Variants in KCNH6 observed in about 807,000 individuals in gnomAD.
KCNH6 encodes the protein potassium voltage-gated channel subfamily H member 6, also known as voltage-gated inwardly rectifying potassium channel KCNH6.
A neutral mutation model predicts 83.4 loss-of-function variants in KCNH6; 81 were observed. The observed-to-expected ratio is 0.97, with a 90% CI of 0.81 to 1.17. KCNH6 has a LOEUF of 1.17. Among genes scored for constraint, KCNH6 ranks in the 50% most tolerant of loss-of-function variants. The pLI is 0.00. For missense variants in KCNH6, 1,203 were observed against 1,290.5 expected (o/e 0.93, Z 1.04); for synonymous variants, 503 against 545.6 (o/e 0.92, Z 1.09).
rs778254078 is a variant in KCNH6, at chr17:63,530,191, G to A, written c.408G>A (p.Leu136=). The A allele has an allele frequency of 6.2e-7, 1 of 1,614,150 alleles. No homozygotes were observed. Among genetic ancestry groups the A allele is most frequent in the Non-Finnish European group, 8.5e-7 (1 of 1,180,024 alleles). Reference sequence around the variant, plus strand: ...ACTTCGAGGACCTGGCCCAGCTCCTGGCCAAGTGCAGCAGCCGCAGCTTGT... The same window carrying A: ...ACTTCGAGGACCTGGCCCAGCTCCTAGCCAAGTGCAGCAGCCGCAGCTTGT... ...ILNFEDLAQL[L]AKCSSRSLSQ... The change falls in exon 3 of 13, where the codon CTG becomes CTA. Residue 136 remains leucine (L), a synonymous_variant. Coordinates refer to ENST00000314672, the MANE Select transcript of KCNH6 (RefSeq NM_001278919.2).
chr17:63,548,345 TG>T (rs1479623014), downstream of KCNH6, among the ~76,000 whole-genome samples: 5 of 152,000 alleles, frequency 3.3e-5, no homozygotes, highest in Non-Finnish European at 5.9e-5. Flanking sequence ...GAGGACCAGT[TG>T]AACCCAGCCT....
At position 63,545,619 on chromosome 17, in the gene KCNH6, A is replaced by G. The variant is rs2147742563; in HGVS notation, c.2594A>G (p.Tyr865Cys). 3.7e-6 allele frequency: 6 copies of G among 1,613,208 alleles called. No homozygotes were observed. Among genetic ancestry groups the G allele is most frequent in the Middle Eastern group, 1.7e-4 (1 of 6,054 alleles). The change falls in exon 13 of 13, where the codon TAT becomes TGT. Residue 865 changes from tyrosine (Y) to cysteine (C), a missense_variant. Physicochemically the swap from Tyr to Cys is radical, Grantham distance 194 (BLOSUM62 -2). Transcript: ENST00000314672. ...GFLPPAQTPS[Y>C]GDLDDCSPKH... ...TCTTGCTCCTCCCAGACCCCAAGCT[A>G]TGGAGACTTGGATGACTGTAGTCCA...
chr17:63,548,979 A>T (rs2033199665), downstream of KCNH6: 1 of 150,994 alleles, frequency 6.6e-6, no homozygotes, highest in Non-Finnish European at 1.5e-5. Context: ...AATAAAATTA[A>T]AAAAAAAAGA....
At chr17:63,542,585 G>A in intron 9 of KCNH6, 151 bp downstream of exon 9, 1 of 677,658 alleles carries the variant, frequency 1.5e-6, no homozygotes, top group African/African-American at 1.8e-5. Flanking sequence ...CTGGCGTCAT[G>A]CTAAGTATGA....
Position 63,535,972 on chromosome 17 carries a change from T to A in KCNH6, c.1405T>A (p.Phe469Ile), listed in dbSNP as rs2032470268. 2 of 1,613,746 alleles carry A rather than the reference T, an allele frequency of 1.2e-6. No homozygotes were observed. The highest frequency in any genetic ancestry group is 2.7e-5 in the African/African-American group (2 of 74,944). ...VQDKYVTALY[F>I]TFSSLTSVGF... ...GGACAAGTATGTCACAGCCCTCTACTTCACCTTCAGCAGCCTCACCAGCGT... is the reference window on the plus strand; with the variant it reads ...GGACAAGTATGTCACAGCCCTCTACATCACCTTCAGCAGCCTCACCAGCGT... Residue 469 changes from phenylalanine (F) to isoleucine (I), a missense_variant, in exon 6 of 13, where the codon TTC (phenylalanine) becomes ATC (isoleucine). Coordinates refer to ENST00000314672, the MANE Select transcript of KCNH6 (RefSeq NM_001278919.2). The surrounding 1 kb of genome is among the most constrained non-coding windows in gnomAD (Gnocchi z 4.9).
Position 63,536,333 on chromosome 17 carries a change from G to A in KCNH6, c.1501+265G>A, listed in dbSNP as rs1372197355. The A allele has an allele frequency of 8.1e-6, 4 of 496,818 alleles. No homozygotes were observed. The East Asian group carries it at 1.0e-4, about 13-fold the overall frequency. 30.8% of individuals were successfully genotyped at this position (496,818 alleles called of 1,614,324 possible). A position where few individuals can be genotyped will look rare whatever the true frequency, so the allele number is the denominator to read the frequency against. On this transcript the variant is annotated intron_variant, in intron 6 of 12. Transcript: ENST00000314672. The stretch of plus-strand genomic sequence containing the variant: ...GCCCAGAGCAAAATGAAATTGTAGG[G>A]ACCCTTGTTTAAAAATTATTAAGAA...
At position 63,524,225 on chromosome 17, in the gene KCNH6, T is replaced by A; in HGVS notation, c.163T>A (p.Ser55Thr). The change falls in exon 2 of 13, where the codon TCC (serine) becomes ACC (threonine). Residue 55 changes from serine to threonine, a missense_variant. Coordinates refer to ENST00000314672, the MANE Select transcript of KCNH6 (RefSeq NM_001278919.2). Reference protein sequence around the residue: ...NDGFCELFGYSRVEVMQQPCT... With the variant: ...NDGFCELFGYTRVEVMQQPCT... ...CGGCTTCTGCGAACTCTTCGGCTAC[T>A]CCCGAGTGGAGGTGATGCAGCAACC... 1.2e-6 allele frequency: 2 copies of A among 1,614,172 alleles called. No homozygotes were observed. Among genetic ancestry groups the A allele is most frequent in the African/African-American group, 2.7e-5 (2 of 75,054 alleles).
rs1309327483 is a variant in KCNH6, at chr17:63,546,429, T to C, written c.*527T>C. On this transcript the variant is annotated 3_prime_UTR_variant, in exon 13 of 13. Transcript: ENST00000314672. ...GTGCAGGGTGGGAGAGTCTCAGGTGTGGAGGCAGCTTACAGGATTGAGGGG... is the reference window on the plus strand; with the variant it reads ...GTGCAGGGTGGGAGAGTCTCAGGTGCGGAGGCAGCTTACAGGATTGAGGGG... The C allele has an allele frequency of 6.5e-6, 1 of 154,824 alleles. No individual in the cohort carries two copies. The highest frequency in any genetic ancestry group is 1.4e-5 in the Non-Finnish European group (1 of 69,826). 9.6% of individuals were successfully genotyped at this position (154,824 alleles called of 1,614,324 possible). A position where few individuals can be genotyped will look rare whatever the true frequency, so the allele number is the denominator to read the frequency against.
rs534340884 is a variant in KCNH6 at position 63,545,110 on chromosome 17, G to A, written c.2429G>A (p.Arg810His). Reference sequence around the variant, plus strand: ...TCCCGCGTGTCCTCAGACCTCAGCCGCATCTTGCAGCTCCTCCAGAAGCCC... The same window carrying A: ...TCCCGCGTGTCCTCAGACCTCAGCCACATCTTGCAGCTCCTCCAGAAGCCC... ...LESRVSSDLS[R>H]ILQLLQKPMP... is the part of the protein sequence containing the mutation. The change falls in exon 12 of 13, where the codon CGC (arginine) becomes CAC (histidine). Residue 810 changes from arginine (R) to histidine (H), a missense_variant. Coordinates refer to ENST00000314672, the MANE Select transcript of KCNH6 (RefSeq NM_001278919.2). The A allele has an allele frequency of 8.7e-6, 14 of 1,613,462 alleles. No individual in the cohort carries two copies. Among genetic ancestry groups the A allele is most frequent in the Admixed American group, 3.3e-5 (2 of 60,002 alleles).
At chr17:63,536,958 A>C (rs913406508) in intron 6 of KCNH6, among the ~76,000 whole-genome samples, 1 of 150,924 alleles carries the variant, frequency 6.6e-6, no homozygotes, top group Non-Finnish European at 1.5e-5. Context: ...GTCTCAAAAA[A>C]AAAAAAAAAA....
Position 63,538,812 on chromosome 17 carries a change from G to C in KCNH6, c.1954+150G>C. ...ACAGCATGTGCCCGGGAGAGCTTTA[G>C]ACCCAGCTGGCTGAATCCTTAAAAC... On this transcript the variant is annotated intron_variant, in intron 8 of 12. Coordinates refer to ENST00000314672, the MANE Select transcript of KCNH6 (RefSeq NM_001278919.2). The surrounding 1 kb of genome is among the most constrained non-coding windows in gnomAD (Gnocchi z 4.0). 1 of 807,142 alleles carries C rather than the reference G, an allele frequency of 1.2e-6. No homozygotes were observed. The highest frequency in any genetic ancestry group is 1.9e-6 in the Non-Finnish European group (1 of 538,072). The allele number at this position is 807,142 out of a possible 1,614,324, so 50.0% of individuals were successfully genotyped here. A position where few individuals can be genotyped will look rare whatever the true frequency, so the allele number is the denominator to read the frequency against.
chr17:63,528,936 G>A (rs904385278), intron 2 of KCNH6, among the ~76,000 whole-genome samples: 1 of 152,190 alleles, frequency 6.6e-6, no homozygotes, highest in African/African-American at 2.4e-5. Context: ...CTGGGTTCAA[G>A]CGATTCTCCT....
Position 63,534,114 on chromosome 17 carries a change from G to A in KCNH6, c.904G>A (p.Val302Met), listed in dbSNP as rs115048320. ...ACSYTCSPLT[V>M]VDLIVDIMFV... Reference sequence around the variant, plus strand: ...CAGCTATACCTGCAGTCCCCTCACTGTGGTGGATCTCATCGTGGACATCAT... The same window carrying A: ...CAGCTATACCTGCAGTCCCCTCACTATGGTGGATCTCATCGTGGACATCAT... Residue 302 changes from valine to methionine, a missense_variant, in exon 5 of 13, where the codon GTG (valine) becomes ATG (methionine). Coordinates refer to ENST00000314672, the MANE Select transcript of KCNH6 (RefSeq NM_001278919.2). This position sits in a 1 kb window ranked among gnomAD's most constrained non-coding sequence, Gnocchi z 5.0. The A allele has an allele frequency of 1.6e-3, 2,455 of 1,538,428 alleles. 44 individuals carry two copies. In the African/African-American group the frequency reaches 0.033, roughly 21 times the overall value.
Position 63,545,892 on chromosome 17 carries a change from G to C in KCNH6, c.2867G>C (p.Trp956Ser). 2 of 1,613,762 alleles carry C rather than the reference G, an allele frequency of 1.2e-6. No homozygotes were observed. The highest frequency in any genetic ancestry group is 1.7e-6 in the Non-Finnish European group (2 of 1,179,912). ...HGSDPGFAGS[W>S]GH is the part of the protein sequence containing the mutation. ...TCAGATCCTGGATTTGCAGGGAGTT[G>C]GGGCCACTGAACTCCAAGATAAAGA... Residue 956 changes from tryptophan to serine, a missense_variant, in exon 13 of 13, where the codon TGG becomes TCG. Coordinates refer to ENST00000314672, the MANE Select transcript of KCNH6 (RefSeq NM_001278919.2).
intron 12 of KCNH6, 23 bp downstream of exon 12, chr17:63,545,287 G>T: frequency 6.2e-7 from 1 of 1,609,928 alleles, no homozygotes; most frequent in African/African-American, 1.3e-5. Context: ...GGGATTCCCA[G>T]GGGCTTACCT....
At chr17:63,539,358 G>C (rs1227407029) in intron 8 of KCNH6, among the ~76,000 whole-genome samples, 1 of 152,044 alleles carries the variant, frequency 6.6e-6, no homozygotes, top group African/African-American at 2.4e-5. Flanking sequence ...TGGACTGCTG[G>C]TGATCTGCTC....
Position 63,536,049 on chromosome 17 carries a change from C to G in KCNH6, c.1482C>G (p.Ile494Met). 1 of 1,613,372 alleles carries G rather than the reference C, an allele frequency of 6.2e-7. No individual in the cohort carries two copies. Among genetic ancestry groups the G allele is most frequent in the South Asian group, 1.1e-5 (1 of 91,066 alleles). The change falls in exon 6 of 13, where the codon ATC (isoleucine) becomes ATG (methionine). Residue 494 changes from isoleucine (I) to methionine (M), a missense_variant. Physicochemically the swap from Ile to Met is conservative, Grantham distance 10. Transcript: ENST00000314672. ...PNTNSEKVFS[I>M]CVMLIGSLMY... The stretch of plus-strand genomic sequence containing the variant: ...CCAACTCCGAGAAGGTCTTCTCCAT[C>G]TGCGTCATGCTCATCGGCTGTGAGT...
rs1267392310 is a variant in KCNH6 at position 63,533,951 on chromosome 17, G to A, written c.741G>A (p.Trp247Ter). The change falls in exon 5 of 13, where the codon TGG becomes TGA. Residue 247 changes from tryptophan to a stop codon, truncating the protein, a stop_gained. Coordinates refer to ENST00000314672, the MANE Select transcript of KCNH6 (RefSeq NM_001278919.2). LOFTEE classifies it high-confidence loss of function. The surrounding 1 kb of genome is among the most constrained non-coding windows in gnomAD (Gnocchi z 4.1). The stretch of plus-strand genomic sequence containing the variant: ...TGCAGGCGCCGCGCATCCACCGCTG[G>A]ACCATCCTGCACTACAGCCCCTTCA... The part of the protein sequence containing the change: ...YKLQAPRIHR[W>*]TILHYSPFKA... 3 of 1,613,980 alleles carry A rather than the reference G, an allele frequency of 1.9e-6. No homozygotes were observed. The highest frequency in any genetic ancestry group is 2.5e-6 in the Non-Finnish European group (3 of 1,180,012).
At chr17:63,547,637 T>C (rs1353076423), downstream of KCNH6, among the ~76,000 whole-genome samples, 1 of 152,150 alleles carries the variant, frequency 6.6e-6, no homozygotes, top group Non-Finnish European at 1.5e-5. Flanking sequence ...CACCCTATCA[T>C]ATGTTTGCAA....
Sources: allele counts gnomAD v4.1 joint callset (sites outside exome capture counted in the v4.1 genomes callset), GRCh38; gene constraint gnomAD v4.1.1; non-coding constraint Gnocchi (gnomAD v3.1); transcripts MANE v1.5; gene names NCBI Gene and HGNC (gene_info 2026-07-23, HGNC 2026-07-21).